DPP10: variants seen among roughly 807,000 people sequenced by gnomAD.
DPP10 encodes the protein dipeptidyl peptidase like 10, also known as inactive dipeptidyl peptidase 10.
DPP10 carries 33 observed loss-of-function variants against 120.9 expected under a neutral mutation model. The ratio of observed to expected loss-of-function variants is 0.27; its 90% CI spans 0.21 to 0.37. The LOEUF is 0.37. Ranked by LOEUF, DPP10 falls within the 10% of genes least tolerant of loss-of-function variation. The pLI is 1.00. For missense variants in DPP10, 816 were observed against 942.8 expected (o/e 0.87, Z 1.76); for synonymous variants, 337 against 326.1 (o/e 1.03, Z -0.36).
At chr2:115,048,496 G>A (rs1705228763) in intron 1 of DPP10, among the ~76,000 whole-genome samples, 1 of 151,934 alleles carries the variant, frequency 6.6e-6, no homozygotes, top group Non-Finnish European at 1.5e-5. Context: ...CTAAAATGTA[G>A]ACATAAGCTA....
chr2:115,481,272 T>C (rs982071997), intron 3 of DPP10, among the ~76,000 whole-genome samples: 2 of 152,102 alleles, frequency 1.3e-5, no homozygotes, highest in South Asian at 2.1e-4. Flanking sequence ...AGGGAAGATC[T>C]TCTATGTCAT....
intron 3 of DPP10, among the ~76,000 whole-genome samples, chr2:115,391,154 C>T (rs1574682342): frequency 6.6e-6 from 1 of 152,230 alleles, no homozygotes; most frequent in Middle Eastern, 3.4e-3. Context: ...CATGACTTAT[C>T]AACATAATCA....
intron 1 of DPP10, among the ~76,000 whole-genome samples, chr2:115,067,888 A>C (rs1707047727): frequency 6.7e-6 from 1 of 149,426 alleles, no homozygotes; most frequent in Admixed American, 6.7e-5. Flanking sequence ...AAAGAAAAAA[A>C]AGAAAAATAT....
intron 1 of DPP10, among the ~76,000 whole-genome samples, chr2:114,496,259 G>C (rs1682509953): frequency 2.6e-5 from 4 of 152,142 alleles, no homozygotes; most frequent in Non-Finnish European, 5.9e-5. Flanking sequence ...GGATGGAGGG[G>C]CTCTGTTTAG....
At chr2:115,623,139 C>T (rs1277599252) in intron 5 of DPP10, among the ~76,000 whole-genome samples, 1 of 152,100 alleles carries the variant, frequency 6.6e-6, no homozygotes, top group Non-Finnish European at 1.5e-5. Context: ...GCCACCGTGC[C>T]CGGCTCCATT....
intron 21 of DPP10, among the ~76,000 whole-genome samples, chr2:115,825,184 A>G (rs1176787624): frequency 6.6e-6 from 1 of 152,216 alleles, no homozygotes; most frequent in Non-Finnish European, 1.5e-5. Context: ...CTTTGATTAT[A>G]AGCATGCATT....
At chr2:114,633,563 T>G (rs1478585487) in intron 1 of DPP10, among the ~76,000 whole-genome samples, 1 of 151,614 alleles carries the variant, frequency 6.6e-6, no homozygotes, top group Non-Finnish European at 1.5e-5. Flanking sequence ...CAGCTGGTTT[T>G]TCTTTTTATT....
At chr2:114,693,944 T>G (rs1182276615) in intron 1 of DPP10, among the ~76,000 whole-genome samples, 1 of 151,978 alleles carries the variant, frequency 6.6e-6, no homozygotes, top group East Asian at 1.9e-4. Context: ...ATATTTGTGT[T>G]TACGTGTGCA....
At chr2:115,142,506 T>C (rs957951890) in intron 1 of DPP10, among the ~76,000 whole-genome samples, 14 of 152,066 alleles carry the variant, frequency 9.2e-5, no homozygotes, top group South Asian at 2.1e-4. Context: ...CAGACCAAGT[T>C]TAGAAATTGA....
intron 1 of DPP10, among the ~76,000 whole-genome samples, chr2:114,924,993 C>T (rs1410978667): frequency 1.3e-5 from 2 of 152,020 alleles, no homozygotes; most frequent in African/African-American, 2.4e-5. Context: ...GGGCTAATCA[C>T]GAGGTCAGGA....
At chr2:115,577,811 C>T (rs1448458) in intron 5 of DPP10, among the ~76,000 whole-genome samples, 149,978 of 152,142 alleles carry the variant, frequency 0.99, 73,962 homozygotes, top group East Asian at 1. Context: ...ATGAGAACTC[C>T]AGTCACATTA....
At chr2:114,880,219 C>T (rs749458782) in intron 1 of DPP10, among the ~76,000 whole-genome samples, 27 of 152,132 alleles carry the variant, frequency 1.8e-4, no homozygotes, top group Admixed American at 3.3e-4. Context: ...GCTTAGCTTA[C>T]GTGTTAATCA....
At chr2:114,985,671 T>C (rs1700350431) in intron 1 of DPP10, among the ~76,000 whole-genome samples, 1 of 152,214 alleles carries the variant, frequency 6.6e-6, no homozygotes, top group Admixed American at 6.5e-5. Context: ...TTTGTGAGAA[T>C]AGAAAGGCTG....
intron 1 of DPP10, among the ~76,000 whole-genome samples, chr2:114,613,525 A>C (rs1693442220): frequency 6.6e-6 from 1 of 152,152 alleles, no homozygotes; most frequent in African/African-American, 2.4e-5. Context: ...TGGGAGTGTA[A>C]ATTAGTTCAA....
intron 7 of DPP10, among the ~76,000 whole-genome samples, chr2:115,703,251 T>G (rs2091964410): frequency 6.6e-6 from 1 of 151,936 alleles, no homozygotes; most frequent in East Asian, 1.9e-4. Context: ...TAGGGAGAGT[T>G]GAAGGCTGTA....
intron 17 of DPP10, among the ~76,000 whole-genome samples, chr2:115,786,660 A>T (rs1303446881): frequency 6.6e-6 from 1 of 152,214 alleles, no homozygotes; most frequent in Non-Finnish European, 1.5e-5. Context: ...TTGTTAATAG[A>T]AATTTCTGAA....
chr2:115,597,970 A>G (rs139329409), intron 5 of DPP10, among the ~76,000 whole-genome samples: 2,354 of 152,154 alleles, frequency 0.015, 36 homozygotes, highest in Non-Finnish European at 0.023. Flanking sequence ...ATAAACATGT[A>G]TGATTGTTGT....
intron 1 of DPP10, among the ~76,000 whole-genome samples, chr2:114,499,944 C>T (rs1301850316): frequency 2.0e-5 from 3 of 152,220 alleles, no homozygotes; most frequent in Non-Finnish European, 4.4e-5. Context: ...CGCATAGCTT[C>T]TGAGGAGCTA....
chr2:115,086,247 A>C (rs990662918), intron 1 of DPP10, among the ~76,000 whole-genome samples: 2 of 152,146 alleles, frequency 1.3e-5, no homozygotes, highest in Non-Finnish European at 2.9e-5. Flanking sequence ...AACTGCAGCC[A>C]CTATAAGATT....
Sources: allele counts gnomAD v4.1 joint callset (sites outside exome capture counted in the v4.1 genomes callset), GRCh38; gene constraint gnomAD v4.1.1; transcripts MANE v1.5; gene names NCBI Gene and HGNC (gene_info 2026-07-23, HGNC 2026-07-21).